RIMS2: variants seen among roughly 807,000 people sequenced by gnomAD.
RIMS2 encodes the protein regulating synaptic membrane exocytosis 2, also known as regulating synaptic membrane exocytosis protein 2.
A neutral mutation model predicts 174.4 loss-of-function variants in RIMS2; 59 were observed. That is an observed-to-expected ratio of 0.34 (90% confidence interval 0.27 to 0.42). The LOEUF is 0.42. RIMS2 is among the 10% of genes least tolerant of loss of function. RIMS2 has a pLI of 1.00. For synonymous variants in RIMS2, 606 were observed against 572.5 expected (o/e 1.06, Z -0.84); for missense variants, 1,620 against 1,666.3 (o/e 0.97, Z 0.48).
At chr8:103,511,290 A>G (rs1259551496) in intron 1 of RIMS2, among the ~76,000 whole-genome samples, 1 of 152,196 alleles carries the variant, frequency 6.6e-6, no homozygotes, top group Non-Finnish European at 1.5e-5. Context: ...GAGAGGAGTA[A>G]ATAATTTTAC....
chr8:104,082,133 T>A (rs577242434), intron 19 of RIMS2, among the ~76,000 whole-genome samples: 1 of 149,460 alleles, frequency 6.7e-6, no homozygotes, highest in South Asian at 2.1e-4. Context: ...GGAATAACCA[T>A]ATGAATAACA....
At chr8:104,189,883 C>A (rs929369742) in intron 19 of RIMS2, among the ~76,000 whole-genome samples, 10 of 151,994 alleles carry the variant, frequency 6.6e-5, no homozygotes, top group African/African-American at 1.9e-4. Context: ...AAGGGACCAT[C>A]TAATCCAACT....
At chr8:103,525,586 A>G (rs1833609052) in intron 1 of RIMS2, among the ~76,000 whole-genome samples, 1 of 152,168 alleles carries the variant, frequency 6.6e-6, no homozygotes, top group South Asian at 2.1e-4. Context: ...ACTATATTCA[A>G]TAATTGAGGA....
chr8:103,879,603 CTT>C (rs1238032654), intron 3 of RIMS2, among the ~76,000 whole-genome samples: 1 of 151,494 alleles, frequency 6.6e-6, no homozygotes, highest in Non-Finnish European at 1.5e-5. Flanking sequence ...TCCCCCCAAT[CTT>C]TTCAAGACCT....
chr8:104,127,884 T>G (rs1479677982), intron 19 of RIMS2, among the ~76,000 whole-genome samples: 2 of 152,196 alleles, frequency 1.3e-5, no homozygotes, highest in Non-Finnish European at 2.9e-5. Flanking sequence ...TGCCACCTGA[T>G]ACTGACTCTG....
chr8:103,563,813 A>G (rs2091967981), intron 1 of RIMS2, among the ~76,000 whole-genome samples: 1 of 152,220 alleles, frequency 6.6e-6, no homozygotes, highest in African/African-American at 2.4e-5. Flanking sequence ...TCTCACAATC[A>G]TGGCAGAAGG....
chr8:104,120,379 G>A (rs1183338408), intron 19 of RIMS2, among the ~76,000 whole-genome samples: 1 of 151,920 alleles, frequency 6.6e-6, no homozygotes, highest in Non-Finnish European at 1.5e-5. Flanking sequence ...TTAGTCATTG[G>A]CAATTTCTTG....
chr8:103,801,187 A>C (rs993982587), intron 3 of RIMS2, among the ~76,000 whole-genome samples: 4 of 152,018 alleles, frequency 2.6e-5, no homozygotes, highest in African/African-American at 9.7e-5. Flanking sequence ...GGGTTTCACC[A>C]TGTTGCCCAG....
chr8:103,609,133 T>C (rs2095272515), intron 1 of RIMS2, among the ~76,000 whole-genome samples: 2 of 152,212 alleles, frequency 1.3e-5, no homozygotes, highest in Non-Finnish European at 2.9e-5. Flanking sequence ...TTCATATGCT[T>C]GTTGGCCACA....
At chr8:103,953,504 C>T (rs1565499643) in intron 14 of RIMS2, among the ~76,000 whole-genome samples, 1 of 152,098 alleles carries the variant, frequency 6.6e-6, no homozygotes, top group Admixed American at 6.5e-5. Flanking sequence ...CCAAACTAAG[C>T]TTCATAAGTG....
At chr8:103,581,056 G>T (rs577142546) in intron 1 of RIMS2, among the ~76,000 whole-genome samples, 1 of 151,948 alleles carries the variant, frequency 6.6e-6, no homozygotes, top group South Asian at 2.1e-4. Context: ...CTGACCTCGT[G>T]ATCTGCCCGC....
chr8:103,889,022 C>A (rs2099225352), intron 4 of RIMS2, among the ~76,000 whole-genome samples: 1 of 151,614 alleles, frequency 6.6e-6, no homozygotes, highest in Non-Finnish European at 1.5e-5. Context: ...TAAATTGTAG[C>A]TGTTGAGACA....
chr8:104,071,710 A>G (rs965957502), intron 19 of RIMS2, among the ~76,000 whole-genome samples: 4 of 152,148 alleles, frequency 2.6e-5, no homozygotes, highest in Admixed American at 2.6e-4. Context: ...TGCTGGGATT[A>G]CAGGCATGAG....
chr8:103,518,179 C>T (rs2130203595), intron 1 of RIMS2, among the ~76,000 whole-genome samples: 1 of 152,162 alleles, frequency 6.6e-6, no homozygotes, highest in African/African-American at 2.4e-5. Context: ...CCAACCATGG[C>T]TCTGTTAAGA....
intron 19 of RIMS2, among the ~76,000 whole-genome samples, chr8:104,095,895 G>C (rs533279373): frequency 2.0e-5 from 3 of 151,990 alleles, no homozygotes; most frequent in Admixed American, 2.0e-4. Flanking sequence ...TGATTTAGCC[G>C]ATGTCCCTTC....
intron 1 of RIMS2, among the ~76,000 whole-genome samples, chr8:103,632,402 G>T (rs111743175): frequency 6.6e-6 from 1 of 152,128 alleles, no homozygotes; most frequent in Non-Finnish European, 1.5e-5. Flanking sequence ...CTTCAGTTCA[G>T]CTTATGTGAT....
chr8:103,982,483 C>A (rs1317728970), intron 16 of RIMS2, among the ~76,000 whole-genome samples: 3 of 123,906 alleles, frequency 2.4e-5, no homozygotes, highest in African/African-American at 3.4e-5. Context: ...AATATTGATG[C>A]AGAAATCCAA....
chr8:104,046,667 T>C (rs1267733391), intron 19 of RIMS2, among the ~76,000 whole-genome samples: 1 of 152,106 alleles, frequency 6.6e-6, no homozygotes, highest in East Asian at 1.9e-4. Flanking sequence ...ATCCATTTTA[T>C]AGATACTCTG....
At chr8:103,936,422 T>C (rs978763610) in intron 12 of RIMS2, 129 bp from the exon 15 acceptor site, 1 of 556,230 alleles carries the variant, frequency 1.8e-6, no homozygotes, top group African/African-American at 1.9e-5. Flanking sequence ...GGTTATAACA[T>C]TTGCAATGTA....
Sources: gnomAD v4.1 joint callset for allele counts (sites outside exome capture counted in the v4.1 genomes callset) on GRCh38, gnomAD v4.1.1 for gene constraint, MANE v1.5 for transcripts, NCBI Gene and HGNC (gene_info 2026-07-23, HGNC 2026-07-21) for gene names.